Variants in TOPAZ1 observed in about 807,000 individuals in gnomAD.
TOPAZ1 encodes protein TOPAZ1.
Under a neutral mutation model 172.2 loss-of-function variants are expected in TOPAZ1, and 66 were observed. The observed-to-expected ratio is 0.38, with a 90% CI of 0.31 to 0.47. The LOEUF (loss-of-function observed/expected upper bound fraction) is 0.47. Among genes scored for constraint, TOPAZ1 ranks in the 20% least tolerant of loss-of-function variants. The probability of loss-of-function intolerance (pLI) is 0.99; values close to 1 mark genes in which losing one functional copy is unlikely to be tolerated. For missense variants in TOPAZ1, 1,822 were observed against 1,972.4 expected (o/e 0.92, Z 1.44); for synonymous variants, 681 against 683.9 (o/e 1.00, Z 0.07).
intron 1 of TOPAZ1, 143 bp from the exon 2 acceptor site, chr3:44,242,710 T>C: frequency 1.4e-6 from 1 of 733,460 alleles, no homozygotes; most frequent in Non-Finnish European, 2.1e-6. Flanking sequence ...AAATTAAGGC[T>C]TTCATTTAAA....
At chr3:44,259,901 C>T (rs1326762148) in intron 4 of TOPAZ1, among the ~76,000 whole-genome samples, 1 of 152,148 alleles carries the variant, frequency 6.6e-6, no homozygotes, top group African/African-American at 2.4e-5. Context: ...GCCGTGGTCC[C>T]ACCCAAAATC....
chr3:44,261,243 T>G (rs915516343), intron 4 of TOPAZ1, among the ~76,000 whole-genome samples: 5 of 152,182 alleles, frequency 3.3e-5, no homozygotes, highest in Non-Finnish European at 7.4e-5. Context: ...AGTTGATTTT[T>G]GTAGTTTTCT....
At chr3:44,242,770 C>G in intron 1 of TOPAZ1, 83 bp from the exon 2 acceptor site, 1 of 1,117,084 alleles carries the variant, frequency 9.0e-7, no homozygotes, top group Non-Finnish European at 1.2e-6. Flanking sequence ...AAATGATAGC[C>G]TCACAATTTT....
intron 18 of TOPAZ1, among the ~76,000 whole-genome samples, chr3:44,323,727 G>A (rs182089590): frequency 6.6e-6 from 1 of 152,162 alleles, no homozygotes; most frequent in African/African-American, 2.4e-5. Context: ...GAAGCATAAA[G>A]GCTGTCATAA....
intron 18 of TOPAZ1, among the ~76,000 whole-genome samples, chr3:44,325,104 T>C (rs1700584187): frequency 6.6e-6 from 1 of 152,172 alleles, no homozygotes. Flanking sequence ...CACTGATCAG[T>C]CTTCAAAACA....
downstream of TOPAZ1, among the ~76,000 whole-genome samples, chr3:44,335,757 G>T (rs1342790349): frequency 1.3e-5 from 2 of 152,226 alleles, no homozygotes; most frequent in Non-Finnish European, 2.9e-5. Context: ...TCAGGGCTGA[G>T]ATTAAAGCCT....
At chr3:44,296,782 G>A (rs1575725665) in intron 12 of TOPAZ1, among the ~76,000 whole-genome samples, 1 of 138,868 alleles carries the variant, frequency 7.2e-6, no homozygotes. Flanking sequence ...AAACATGAGG[G>A]AACATTTACC....
chr3:44,304,130 A>G (rs1269319655), intron 13 of TOPAZ1, 49 bp downstream of exon 13: 5 of 1,135,124 alleles, frequency 4.4e-6, no homozygotes, highest in South Asian at 1.6e-5. Context: ...CTGAAAATCA[A>G]TAGCAACAAA....
At chr3:44,278,059 T>C (rs895199165) in intron 8 of TOPAZ1, among the ~76,000 whole-genome samples, 1 of 152,228 alleles carries the variant, frequency 6.6e-6, no homozygotes, top group African/African-American at 2.4e-5. Flanking sequence ...ATTCCTCCTT[T>C]GCCTAGTTTA....
Position 44,244,683 on chromosome 3 carries a change from T to G in TOPAZ1, c.2177T>G (p.Val726Gly). 6.4e-7 allele frequency: 1 copy of G among 1,551,456 alleles called. No individual in the cohort carries two copies. Among genetic ancestry groups the G allele is most frequent in the Non-Finnish European group, 8.7e-7 (1 of 1,146,972 alleles). ...ELLDNLSGAD[V>G]RQNRSKENVS... ...CTGGACAATTTATCTGGAGCAGACG[T>G]AAGACAGAACAGGAGTAAAGAAAAT... The change falls in exon 2 of 20, where the codon GTA (valine) becomes GGA (glycine). Residue 726 changes from valine to glycine, a missense_variant. Physicochemically the swap from Val to Gly is moderately radical, Grantham distance 109 (BLOSUM62 -3). Coordinates refer to ENST00000309765, the MANE Select transcript of TOPAZ1 (RefSeq NM_001145030.2).
rs372950141 is a variant in TOPAZ1 at position 44,256,168 on chromosome 3, G to A, written c.2845G>A (p.Asp949Asn). ...SNSAESEIKRDPKDVNTSLGE... is the reference protein window; with the variant it reads ...SNSAESEIKRNPKDVNTSLGE... ...CTTTTCAGAAAGTGAAATAAAACGT[G>A]ATCCCAAAGATGTAAACACTTCCTT... is the stretch of plus-strand genomic sequence containing the variant. The change falls in exon 4 of 20, where the codon GAT becomes AAT. Residue 949 changes from aspartate to asparagine, a missense_variant. Asp to Asn is a conservative substitution (Grantham distance 23). Transcript: ENST00000309765. 15 of 1,507,144 alleles carry A rather than the reference G, an allele frequency of 1.0e-5. No homozygotes were observed. Among genetic ancestry groups the A allele is most frequent in the Non-Finnish European group, 1.3e-5 (15 of 1,133,454 alleles). The allele number at this position is 1,507,144 out of a possible 1,614,324, so 93.4% of individuals were successfully genotyped here.
intron 9 of TOPAZ1, among the ~76,000 whole-genome samples, chr3:44,283,676 A>C (rs192577172): frequency 1.4e-3 from 219 of 152,320 alleles, no homozygotes; most frequent in Non-Finnish European, 2.5e-3. Context: ...CAAGAGGCAT[A>C]TCCTTTATCA....
In TOPAZ1 at chr3:44,242,017, G is replaced by C; in HGVS notation, c.-37G>C. The C allele has an allele frequency of 2.6e-6, 4 of 1,527,258 alleles. No homozygotes were observed. Among genetic ancestry groups the C allele is most frequent in the Non-Finnish European group, 3.5e-6 (4 of 1,139,372 alleles). The allele number at this position is 1,527,258 out of a possible 1,614,324, so 94.6% of individuals were successfully genotyped here. On this transcript the variant is annotated 5_prime_UTR_variant, in exon 1 of 20. Transcript: ENST00000309765. Reference sequence around the variant, plus strand: ...GCACCGCGGTGGGTTCCTGCGAGCTGGTGCAGAGGGGCCCCAGCGGGCCGG... The same window carrying C: ...GCACCGCGGTGGGTTCCTGCGAGCTCGTGCAGAGGGGCCCCAGCGGGCCGG...
At chr3:44,274,086 C>T (rs1056718424) in intron 8 of TOPAZ1, among the ~76,000 whole-genome samples, 7 of 151,646 alleles carry the variant, frequency 4.6e-5, no homozygotes, top group African/African-American at 1.5e-4. Flanking sequence ...TCAAGATCAG[C>T]CTGGCCAACA....
intron 8 of TOPAZ1, among the ~76,000 whole-genome samples, chr3:44,272,704 G>T (rs1038878273): frequency 6.6e-6 from 1 of 152,012 alleles, no homozygotes; most frequent in African/African-American, 2.4e-5. Flanking sequence ...GGGACTACAG[G>T]CCTGTGCCAC....
intron 18 of TOPAZ1, among the ~76,000 whole-genome samples, chr3:44,324,702 A>G (rs1700578031): frequency 6.6e-6 from 1 of 152,194 alleles, no homozygotes; most frequent in African/African-American, 2.4e-5. Flanking sequence ...AAAGTATACA[A>G]GTCAGTGGTT....
chr3:44,247,736 G>T (rs748597019), intron 2 of TOPAZ1, among the ~76,000 whole-genome samples: 4 of 151,990 alleles, frequency 2.6e-5, no homozygotes, highest in Non-Finnish European at 4.4e-5. Context: ...TGCAACCTAT[G>T]CCTCCCAGGT....
At position 44,295,413 on chromosome 3, in the gene TOPAZ1, A is replaced by G. The variant is rs537892174; in HGVS notation, c.3797+4527A>G. Among the ~76,000 whole-genome samples the G allele has an allele frequency of 6.6e-4, 100 of 152,318 alleles. 1 individual carries two copies. Among genetic ancestry groups the G allele is most frequent in the Middle Eastern group, 6.8e-3 (2 of 294 alleles). ...TATGAATTTATTTAGAGTGATATCCATATACTGTTTGTGTAAATGTTATAA... is the reference window on the plus strand; with the variant it reads ...TATGAATTTATTTAGAGTGATATCCGTATACTGTTTGTGTAAATGTTATAA... On this transcript the variant is annotated intron_variant, in intron 12 of 19. Transcript: ENST00000309765.
intron 12 of TOPAZ1, among the ~76,000 whole-genome samples, chr3:44,296,466 A>G (rs1700195970): frequency 6.6e-6 from 1 of 151,884 alleles, no homozygotes; most frequent in Non-Finnish European, 1.5e-5. Flanking sequence ...GATACCAGGA[A>G]TGAGACCAGG....
Sources: gnomAD v4.1 joint callset for allele counts (sites outside exome capture counted in the v4.1 genomes callset) on GRCh38, gnomAD v4.1.1 for gene constraint, MANE v1.5 for transcripts, NCBI Gene and HGNC (gene_info 2026-07-23, HGNC 2026-07-21) for gene names.